NRCAM: variants seen among roughly 807,000 people sequenced by gnomAD.
The protein encoded by NRCAM is neuronal cell adhesion molecule.
In NRCAM, 83 loss-of-function variants were observed where a neutral mutation model predicts 156.5. The ratio of observed to expected loss-of-function variants is 0.53; its 90% CI spans 0.44 to 0.64. NRCAM has a LOEUF of 0.64. NRCAM is among the 30% of genes least tolerant of loss of function. NRCAM has a pLI of 0.00. For missense variants in NRCAM, 1,417 were observed against 1,597.3 expected (o/e 0.89, Z 1.92); for synonymous variants, 538 against 563.9 (o/e 0.95, Z 0.65).
intron 2 of NRCAM, among the ~76,000 whole-genome samples, chr7:108,377,826 A>G (rs1368544793): frequency 6.6e-6 from 1 of 152,240 alleles, no homozygotes; most frequent in African/African-American, 2.4e-5. Context: ...TGATTATAAA[A>G]GAATAGCTAA....
intron 2 of NRCAM, among the ~76,000 whole-genome samples, chr7:108,384,194 A>C (rs965478278): frequency 3.1e-4 from 47 of 152,146 alleles, no homozygotes; most frequent in African/African-American, 1.1e-3. Flanking sequence ...AACCCCAAAG[A>C]CATGTGTTTA....
intron 29 of NRCAM, 110 bp from the exon 30 acceptor site, chr7:108,167,183 G>A: frequency 1.4e-6 from 1 of 733,746 alleles, no homozygotes; most frequent in South Asian, 2.0e-5. Context: ...GATGTAGGAT[G>A]CTTAGGTTTA....
intron 3 of NRCAM, among the ~76,000 whole-genome samples, chr7:108,296,868 T>C (rs940716214): frequency 3.9e-5 from 6 of 152,174 alleles, no homozygotes; most frequent in Admixed American, 2.6e-4. Context: ...AATAATCCGT[T>C]TCCCTATACC....
intron 2 of NRCAM, among the ~76,000 whole-genome samples, chr7:108,375,414 G>A (rs552470051): frequency 2.6e-5 from 4 of 152,156 alleles, no homozygotes; most frequent in South Asian, 4.2e-4. Flanking sequence ...ACATTCATCC[G>A]CGTGATGGAT....
chr7:108,255,144 TG>T (rs1331826496), intron 3 of NRCAM, among the ~76,000 whole-genome samples: 2 of 150,868 alleles, frequency 1.3e-5, no homozygotes, highest in African/African-American at 4.9e-5. Flanking sequence ...CTATGCTGAG[TG>T]AGCCTCTCCC....
intron 8 of NRCAM, 48 bp from the exon 9 acceptor site, chr7:108,226,426 T>C: frequency 7.1e-7 from 1 of 1,407,370 alleles, no homozygotes; most frequent in Non-Finnish European, 9.9e-7. Context: ...ATAAAGTGGC[T>C]ACCCTCCAAA....
chr7:108,195,855 G>T lies in NRCAM; in HGVS notation c.1369C>A (p.Leu457Ile). ...TGGTAGAGTGTGTTTGCAGGTGTGA[G>T]GATTCGTGGTGGCTCAGCTACAAAT... Reference protein sequence around the residue: ...VNVLAEPPRILTPANTLYQVI... With the variant: ...VNVLAEPPRIITPANTLYQVI... Residue 457 changes from leucine to isoleucine, a missense_variant, in exon 15 of 33, where the codon CTC becomes ATC. By Grantham distance (5) the Leu-to-Ile change is conservative. Coordinates refer to ENST00000379028, the MANE Select transcript of NRCAM (RefSeq NM_001037132.4). The T allele has an allele frequency of 6.2e-7, 1 of 1,611,482 alleles. No individual in the cohort carries two copies. The highest frequency in any genetic ancestry group is 1.1e-5 in the South Asian group (1 of 90,980).
At chr7:108,256,327 C>G (rs1233788826) in intron 3 of NRCAM, among the ~76,000 whole-genome samples, 1 of 149,178 alleles carries the variant, frequency 6.7e-6, no homozygotes, top group East Asian at 1.9e-4. Flanking sequence ...ACCTTACCCC[C>G]AACCCCGTGC....
chr7:108,188,544 G>C (rs2068792375), intron 20 of NRCAM, among the ~76,000 whole-genome samples: 1 of 151,650 alleles, frequency 6.6e-6, no homozygotes, highest in South Asian at 2.1e-4. Context: ...ACAATGTCTG[G>C]CACACAGTAG....
chr7:108,356,947 C>T (rs891669577), intron 2 of NRCAM, among the ~76,000 whole-genome samples: 7 of 152,130 alleles, frequency 4.6e-5, no homozygotes, highest in Non-Finnish European at 5.9e-5. Flanking sequence ...TTAGTGCCTT[C>T]GTAAGAAAAG....
intron 13 of NRCAM, among the ~76,000 whole-genome samples, chr7:108,206,675 G>A (rs1425059406): frequency 2.0e-5 from 3 of 152,146 alleles, no homozygotes; most frequent in African/African-American, 7.2e-5. Context: ...GGAGCAGTGA[G>A]GTGCAACATC....
intron 3 of NRCAM, among the ~76,000 whole-genome samples, chr7:108,260,371 A>AT (rs1179160924): frequency 6.6e-6 from 1 of 152,218 alleles, no homozygotes; most frequent in Non-Finnish European, 1.5e-5. Flanking sequence ...ATTGAAAAAA[A>AT]TGAATGGGTT....
Position 108,194,488 on chromosome 7 carries a change from T to C in NRCAM, c.1464-60A>G, listed in dbSNP as rs373181582. 1.0e-5 allele frequency: 12 copies of C among 1,184,970 alleles called. No homozygotes were observed. The South Asian group carries it at 1.3e-4, about 12-fold the overall frequency. The allele number at this position is 1,184,970 out of a possible 1,614,324, so 73.4% of individuals were successfully genotyped here. ...ACACATTATATTTTGAAGTCAGACA[T>C]AAAATGCCATGTTCAAGGTCAACAT... On this transcript the variant is annotated intron_variant, in intron 15 of 32. Coordinates refer to ENST00000379028, the MANE Select transcript of NRCAM (RefSeq NM_001037132.4).
chr7:108,395,794 A>G (rs879844263), intron 2 of NRCAM, among the ~76,000 whole-genome samples: 1 of 152,186 alleles, frequency 6.6e-6, no homozygotes, highest in African/African-American at 2.4e-5. Context: ...ATCCAAGCAG[A>G]AAGCAGCCAC....
At chr7:108,164,414 T>TA (rs1563210156) in intron 30 of NRCAM, among the ~76,000 whole-genome samples, 1 of 152,030 alleles carries the variant, frequency 6.6e-6, no homozygotes, top group Admixed American at 6.5e-5. Context: ...TAACTATAGA[T>TA]AAAGTTGAGT....
chr7:108,356,579 T>C (rs2099500301), intron 2 of NRCAM, among the ~76,000 whole-genome samples: 2 of 152,108 alleles, frequency 1.3e-5, no homozygotes, highest in Non-Finnish European at 2.9e-5. Context: ...AAAATTGTTC[T>C]TTTTTTGAGA....
At chr7:108,295,595 C>G (rs1238035643) in intron 3 of NRCAM, among the ~76,000 whole-genome samples, 2 of 152,206 alleles carry the variant, frequency 1.3e-5, no homozygotes, top group African/African-American at 4.8e-5. Context: ...CTTTCAAAGA[C>G]ACCACATCCT....
chr7:108,345,258 T>C (rs17419221), intron 2 of NRCAM, among the ~76,000 whole-genome samples: 43,504 of 152,018 alleles, frequency 0.29, 6,307 homozygotes, highest in Middle Eastern at 0.31. Context: ...GTTACTCAAC[T>C]CAGAAAGGTT....
intron 25 of NRCAM, among the ~76,000 whole-genome samples, chr7:108,179,863 CT>C (rs1342674201): frequency 5.3e-5 from 8 of 152,160 alleles, no homozygotes; most frequent in African/African-American, 1.9e-4. Flanking sequence ...GGTTCTCATG[CT>C]TTTCAGATGA....
Sources: allele counts gnomAD v4.1 joint callset (sites outside exome capture counted in the v4.1 genomes callset), GRCh38; gene constraint gnomAD v4.1.1; transcripts MANE v1.5; gene names NCBI Gene and HGNC (gene_info 2026-07-23, HGNC 2026-07-21).